SEMA3E: variants seen among roughly 807,000 people sequenced by gnomAD.
SEMA3E encodes the protein semaphorin 3E.
Under a neutral mutation model 93.6 loss-of-function variants are expected in SEMA3E, and 49 were observed. The observed-to-expected ratio is 0.52, with a 90% confidence interval of 0.42 to 0.66. The LOEUF is 0.66. Ranked by LOEUF, SEMA3E falls within the 30% of genes least tolerant of loss-of-function variation. The pLI, the probability that SEMA3E is intolerant of heterozygous loss-of-function variation, is 0.00. For synonymous variants in SEMA3E, 363 were observed against 330.7 expected (o/e 1.10, Z -1.06); for missense variants, 906 against 964.8 (o/e 0.94, Z 0.81).
chr7:83,618,491 G>A (rs368443322), intron 1 of SEMA3E, among the ~76,000 whole-genome samples: 1 of 151,910 alleles, frequency 6.6e-6, no homozygotes, highest in Non-Finnish European at 1.5e-5. Flanking sequence ...ATGTCCTCAG[G>A]ATGCTTATTA....
At chr7:83,607,345 C>T (rs573682729) in intron 1 of SEMA3E, among the ~76,000 whole-genome samples, 3 of 152,290 alleles carry the variant, frequency 2.0e-5, no homozygotes, top group East Asian at 3.9e-4. Flanking sequence ...TAAAATTCTT[C>T]TCCACTCACT....
intron 1 of SEMA3E, among the ~76,000 whole-genome samples, chr7:83,530,746 T>C (rs764812283): frequency 5.3e-5 from 8 of 151,944 alleles, no homozygotes; most frequent in Non-Finnish European, 8.8e-5. Context: ...GGTGTGGTGG[T>C]GCATGCCTGT....
chr7:83,506,910 G>A (rs1002234769), intron 1 of SEMA3E, among the ~76,000 whole-genome samples: 4 of 152,186 alleles, frequency 2.6e-5, no homozygotes, highest in African/African-American at 9.7e-5. Flanking sequence ...TTCTAGACGA[G>A]CAATTTATTA....
chr7:83,503,618 C>T (rs1790639429), intron 1 of SEMA3E, among the ~76,000 whole-genome samples: 1 of 152,076 alleles, frequency 6.6e-6, no homozygotes. Flanking sequence ...GATGGTATAG[C>T]CTACTGCAAA....
intron 1 of SEMA3E, among the ~76,000 whole-genome samples, chr7:83,619,167 T>C (rs1483940218): frequency 6.6e-6 from 1 of 151,900 alleles, no homozygotes; most frequent in Non-Finnish European, 1.5e-5. Context: ...GTTCTTATTA[T>C]GTATTAAATT....
chr7:83,513,939 C>G (rs993417096), intron 1 of SEMA3E, among the ~76,000 whole-genome samples: 1 of 152,080 alleles, frequency 6.6e-6, no homozygotes, highest in East Asian at 1.9e-4. Context: ...GCTGCATTCC[C>G]AGATGGTTAA....
chr7:83,396,714 A>G lies in SEMA3E; in HGVS notation c.1382T>C (p.Leu461Pro), dbSNP rs749298077. ...TTGGTTGTAAATTGTGATTACTTTC[A>G]GCACAATTCCATTATCTGTAAGAAA... ...LFIGTDNGIVLKVITIYNQEM... is the reference protein window; with the variant it reads ...LFIGTDNGIVPKVITIYNQEM... The change falls in exon 12 of 17, where the codon CTG becomes CCG. Residue 461 changes from leucine (L) to proline (P), a missense_variant. Transcript: ENST00000643230. The G allele has an allele frequency of 6.3e-7, 1 of 1,598,276 alleles. No homozygotes were observed. The highest frequency in any genetic ancestry group is 2.2e-5 in the East Asian group (1 of 44,696).
At position 83,487,682 on chromosome 7, in the gene SEMA3E, CGTGTGTGT is replaced by C. The variant is rs71074667; in HGVS notation, c.276+2424_276+2431del. Among the ~76,000 whole-genome samples the C allele has an allele frequency of 4.1e-3, 590 of 144,450 alleles. 2 individuals are homozygous for C. Among genetic ancestry groups the C allele is most frequent in the Non-Finnish European group, 6.1e-3 (400 of 66,044 alleles). The allele number at this position is 144,450 out of a possible 152,430, so 94.8% of individuals were successfully genotyped here. ...CCATTGAATTTGACTGGCAGGAGGT[CGTGTGTGT>C]GTGTGTGTGTGTGTGTGTGTGTGTG... On this transcript the variant is annotated intron_variant, in intron 2 of 16. Transcript: ENST00000643230.
At chr7:83,382,554 C>T (rs1787797421) in intron 16 of SEMA3E, among the ~76,000 whole-genome samples, 1 of 151,866 alleles carries the variant, frequency 6.6e-6, no homozygotes, top group South Asian at 2.1e-4. Flanking sequence ...AAATAATAGC[C>T]TCAGTTATCA....
intron 1 of SEMA3E, among the ~76,000 whole-genome samples, chr7:83,593,711 G>A (rs1009911900): frequency 1.3e-5 from 2 of 151,912 alleles, no homozygotes; most frequent in African/African-American, 4.8e-5. Context: ...AATTTGGGCA[G>A]TCAAGGTTTA....
intron 1 of SEMA3E, among the ~76,000 whole-genome samples, chr7:83,556,086 T>C (rs1276663835): frequency 1.3e-5 from 2 of 152,232 alleles, no homozygotes; most frequent in African/African-American, 4.8e-5. Context: ...TAAACATTTA[T>C]ATGTTTACAT....
At chr7:83,527,358 AG>A (rs1791182986) in intron 1 of SEMA3E, among the ~76,000 whole-genome samples, 1 of 152,142 alleles carries the variant, frequency 6.6e-6, no homozygotes, top group South Asian at 2.1e-4. Context: ...TACAACCACC[AG>A]TGATCTTCTC....
chr7:83,465,291 T>G (rs2115875903), intron 4 of SEMA3E, among the ~76,000 whole-genome samples: 1 of 152,216 alleles, frequency 6.6e-6, no homozygotes, highest in East Asian at 1.9e-4. Flanking sequence ...TGACTCTCTT[T>G]TCAGACTCAG....
chr7:83,503,257 A>T (rs908749096), intron 1 of SEMA3E, among the ~76,000 whole-genome samples: 31 of 152,194 alleles, frequency 2.0e-4, no homozygotes, highest in African/African-American at 5.3e-4. Flanking sequence ...ATTTGAGTCA[A>T]TTTTATATTT....
chr7:83,528,552 C>T (rs3801527), intron 1 of SEMA3E, among the ~76,000 whole-genome samples: 11,465 of 152,072 alleles, frequency 0.075, 538 homozygotes, highest in South Asian at 0.2. Context: ...GTTCAATTTA[C>T]TATTGATTTT....
At position 83,461,739 on chromosome 7, in the gene SEMA3E, T is replaced by C. The variant is rs1291781735; in HGVS notation, c.456+4743A>G. ...CCGACATTAAATAAAACTCCAAAAA[T>C]TAAATTCCGGCCCTCAAACCCCACA... On this transcript the variant is annotated intron_variant, in intron 4 of 16. Transcript: ENST00000643230. Among the ~76,000 whole-genome samples the C allele has an allele frequency of 6.6e-5, 10 of 152,102 alleles. No individual in the cohort carries two copies. In the East Asian group the frequency reaches 1.4e-3, roughly 21 times the overall value.
At chr7:83,611,496 C>T (rs895826964) in intron 1 of SEMA3E, among the ~76,000 whole-genome samples, 5 of 149,730 alleles carry the variant, frequency 3.3e-5, no homozygotes, top group African/African-American at 1.2e-4. Flanking sequence ...CATCTAGCTA[C>T]CACTCATTTC....
Position 83,515,091 on chromosome 7 carries a change from G to A in SEMA3E, c.116-24817C>T, listed in dbSNP as rs75982782. Among the ~76,000 whole-genome samples the A allele has an allele frequency of 5.3e-5, 8 of 152,038 alleles. No individual in the cohort carries two copies. In the East Asian group the frequency reaches 1.2e-3, roughly 22 times the overall value. ...TTTTCCTTGCCGGAGCAAATAAGAC[G>A]TTAAACTAAGCAACAGTATTGGTTA... On this transcript the variant is annotated intron_variant, in intron 1 of 16. Coordinates refer to ENST00000643230, the MANE Select transcript of SEMA3E (RefSeq NM_012431.3).
intron 1 of SEMA3E, among the ~76,000 whole-genome samples, chr7:83,624,497 GTT>G (rs1793629156): frequency 6.6e-6 from 1 of 152,096 alleles, no homozygotes; most frequent in African/African-American, 2.4e-5. Flanking sequence ...TTTTTCCTAT[GTT>G]TGTTGGCCAC....
Sources: allele counts gnomAD v4.1 joint callset (sites outside exome capture counted in the v4.1 genomes callset), GRCh38; gene constraint gnomAD v4.1.1; transcripts MANE v1.5; gene names NCBI Gene and HGNC (gene_info 2026-07-23, HGNC 2026-07-21).